The following PAPPA variants were observed in gnomAD, a reference collection of about 807,000 sequenced individuals.
PAPPA encodes the protein pappalysin-1.
Under a neutral mutation model 164.0 loss-of-function variants are expected in PAPPA, and 60 were observed. The ratio of observed to expected loss-of-function variants is 0.37; its 90% confidence interval spans 0.30 to 0.45. The LOEUF (loss-of-function observed/expected upper bound fraction) is 0.45. PAPPA is among the 20% of genes least tolerant of loss of function. The pLI is 1.00. For synonymous variants in PAPPA, 875 were observed against 814.1 expected (o/e 1.07, Z -1.27); for missense variants, 1,782 against 2,087.3 (o/e 0.85, Z 2.85).
intron 1 of PAPPA, among the ~76,000 whole-genome samples, chr9:116,168,923 G>A (rs1173655518): frequency 6.6e-6 from 1 of 152,066 alleles, no homozygotes; most frequent in Non-Finnish European, 1.5e-5. Flanking sequence ...CTTCATCTTT[G>A]CATTATTCCT....
At chr9:116,327,652 A>T (rs1274487205) in intron 10 of PAPPA, among the ~76,000 whole-genome samples, 1 of 151,946 alleles carries the variant, frequency 6.6e-6, no homozygotes, top group Non-Finnish European at 1.5e-5. Flanking sequence ...CTTGGGGATC[A>T]CACTTGTGTC....
intron 9 of PAPPA, among the ~76,000 whole-genome samples, chr9:116,284,317 A>G (rs1283638427): frequency 6.6e-6 from 1 of 152,146 alleles, no homozygotes; most frequent in Non-Finnish European, 1.5e-5. Flanking sequence ...ACATATTTCA[A>G]TATTTTTCTC....
chr9:116,382,921 T>C (rs10983127), intron 21 of PAPPA, among the ~76,000 whole-genome samples: 21,644 of 151,994 alleles, frequency 0.14, 1,730 homozygotes, highest in East Asian at 0.21. Flanking sequence ...AAAATCCCAG[T>C]GAGAACACAC....
At chr9:116,202,200 G>A (rs555948912) in intron 2 of PAPPA, among the ~76,000 whole-genome samples, 52 of 152,186 alleles carry the variant, frequency 3.4e-4, no homozygotes, top group Admixed American at 1.3e-3. Context: ...TTTATTTAAC[G>A]GATTTGTTGT....
intron 13 of PAPPA, among the ~76,000 whole-genome samples, chr9:116,336,863 G>A (rs953394166): frequency 1.3e-5 from 2 of 152,158 alleles, no homozygotes; most frequent in East Asian, 1.9e-4. Context: ...TTCTAAATCT[G>A]TGTTTCTCAA....
At chr9:116,319,950 CAT>C (rs1163500142) in intron 10 of PAPPA, among the ~76,000 whole-genome samples, 2 of 152,184 alleles carry the variant, frequency 1.3e-5, no homozygotes, top group South Asian at 4.1e-4. Flanking sequence ...AGGCCTCTAA[CAT>C]AAGCTTTTCC....
intron 1 of PAPPA, among the ~76,000 whole-genome samples, chr9:116,170,261 A>T (rs1843761567): frequency 6.6e-6 from 1 of 152,170 alleles, no homozygotes; most frequent in South Asian, 2.1e-4. Flanking sequence ...GAGAATGTTG[A>T]TGTTGAGTTG....
chr9:116,377,662 A>C lies in PAPPA; in HGVS notation c.4677+15A>C, dbSNP rs1287321049. 1 of 1,587,262 alleles carries C rather than the reference A, an allele frequency of 6.3e-7. No homozygotes were observed. The highest frequency in any genetic ancestry group is 2.2e-5 in the East Asian group (1 of 44,746). On this transcript the variant is annotated intron_variant, in intron 20 of 21. Transcript: ENST00000328252. ...AAGGCTGTGAGGTGAGTCACAAGGA[A>C]GGCACTCCTCAGTTCCCTGGAAATA...
intron 5 of PAPPA, among the ~76,000 whole-genome samples, 198 bp downstream of exon 5, chr9:116,220,327 CAAT>C (rs1844428793): frequency 6.6e-6 from 1 of 151,980 alleles, no homozygotes; most frequent in East Asian, 1.9e-4. Context: ...AAATAAATAA[CAAT>C]AAATATTTTT....
At chr9:116,378,501 C>T (rs1846685044) in intron 20 of PAPPA, among the ~76,000 whole-genome samples, 1 of 152,184 alleles carries the variant, frequency 6.6e-6, no homozygotes, top group African/African-American at 2.4e-5. Context: ...AGGATCAGAC[C>T]ATGCCCTAGA....
intron 2 of PAPPA, among the ~76,000 whole-genome samples, chr9:116,200,824 TAGAAAGGA>T (rs1185527413): frequency 6.6e-6 from 1 of 151,346 alleles, no homozygotes; most frequent in Non-Finnish European, 1.5e-5. Context: ...GGAAAGAAAT[TAGAAAGGA>T]AGAAAGGAAG....
intron 9 of PAPPA, among the ~76,000 whole-genome samples, chr9:116,288,028 G>T (rs1845362498): frequency 6.6e-6 from 1 of 152,142 alleles, no homozygotes; most frequent in Non-Finnish European, 1.5e-5. Flanking sequence ...TGATCAAAAA[G>T]GGCAGTGGTT....
chr9:116,343,888 G>C (rs1054509179), intron 13 of PAPPA, among the ~76,000 whole-genome samples: 2 of 152,054 alleles, frequency 1.3e-5, no homozygotes, highest in Non-Finnish European at 2.9e-5. Flanking sequence ...AACCTCCTGA[G>C]TAGCTGGGAT....
intron 16 of PAPPA, 116 bp from the exon 17 acceptor site, chr9:116,353,506 G>A (rs984006104): frequency 9.0e-6 from 8 of 887,626 alleles, no homozygotes; most frequent in Admixed American, 2.2e-5. Context: ...AATAGGTCAG[G>A]TGGGGAATCA....
At chr9:116,341,734 G>T (rs1220608424) in intron 13 of PAPPA, among the ~76,000 whole-genome samples, 1 of 152,332 alleles carries the variant, frequency 6.6e-6, no homozygotes, top group South Asian at 2.1e-4. Flanking sequence ...CTGGTGCTCA[G>T]TAAAGCCCCC....
intron 7 of PAPPA, among the ~76,000 whole-genome samples, chr9:116,260,468 T>G (rs1844988103): frequency 6.6e-6 from 1 of 152,222 alleles, no homozygotes; most frequent in Admixed American, 6.5e-5. Flanking sequence ...GACATTACCC[T>G]CTGGTTCTTA....
At chr9:116,248,139 A>G (rs1180855430) in intron 7 of PAPPA, among the ~76,000 whole-genome samples, 1 of 152,246 alleles carries the variant, frequency 6.6e-6, no homozygotes, top group African/African-American at 2.4e-5. Context: ...ACACACATCA[A>G]GCAGTTTCCC....
chr9:116,298,767 G>A (rs988180901), intron 9 of PAPPA, among the ~76,000 whole-genome samples: 3 of 152,210 alleles, frequency 2.0e-5, no homozygotes, highest in Non-Finnish European at 4.4e-5. Flanking sequence ...GAATGTGTAT[G>A]TCTGTGTATA....
intron 7 of PAPPA, among the ~76,000 whole-genome samples, chr9:116,238,072 C>T (rs1017440219): frequency 2.0e-5 from 3 of 152,036 alleles, no homozygotes; most frequent in African/African-American, 7.3e-5. Flanking sequence ...TAAAAATTGC[C>T]TGGGTCTCAC....
Sources: allele counts gnomAD v4.1 joint callset (sites outside exome capture counted in the v4.1 genomes callset), GRCh38; gene constraint gnomAD v4.1.1; transcripts MANE v1.5; gene names NCBI Gene and HGNC (gene_info 2026-07-23, HGNC 2026-07-21).